The following AASS variants were observed in gnomAD, a reference collection of about 807,000 sequenced individuals.
AASS encodes alpha-aminoadipic semialdehyde synthase, mitochondrial.
Under a neutral mutation model 105.4 loss-of-function variants are expected in AASS, and 86 were observed. That is an observed-to-expected ratio of 0.82 (90% CI 0.69 to 0.98). The LOEUF is 0.98. AASS is among the 50% of genes least tolerant of loss of function. The probability of loss-of-function intolerance (pLI) is 0.00; values close to 1 mark genes in which losing one functional copy is unlikely to be tolerated. For missense variants in AASS, 1,048 were observed against 1,143.2 expected (o/e 0.92, Z 1.20); for synonymous variants, 381 against 394.8 (o/e 0.96, Z 0.41).
intron 6 of AASS, 114 bp downstream of exon 6, chr7:122,118,193 C>T (rs546046783): frequency 1.7e-6 from 2 of 1,187,058 alleles, no homozygotes; most frequent in African/African-American, 1.5e-5. Flanking sequence ...AAGAAAAGTG[C>T]CTAAAATAGA....
Position 122,076,574 on chromosome 7 carries a change from AAG to A in AASS, c.2694_2695del (p.Ser900LysfsTer12), listed in dbSNP as rs1793024902. The A allele has an allele frequency of 6.2e-7, 1 of 1,613,740 alleles. No individual in the cohort carries two copies. Among genetic ancestry groups the A allele is most frequent in the Non-Finnish European group, 8.5e-7 (1 of 1,179,794 alleles). ...TATTGGTCCATAGATCTCCTTTGAA[AAG>A]GGCCCCATTAGGCCTTTGGCTCCAA... On this transcript the variant is annotated frameshift_variant, in exon 24 of 24. Transcript: ENST00000417368. LOFTEE classifies it high-confidence loss of function.
intron 18 of AASS, among the ~76,000 whole-genome samples, chr7:122,089,279 A>G (rs1313808572): frequency 6.6e-6 from 1 of 152,158 alleles, no homozygotes; most frequent in African/African-American, 2.4e-5. Flanking sequence ...ACAGACAAAC[A>G]AAGTGTCTGA....
chr7:122,092,762 CTATAT>C (rs1163338236), intron 17 of AASS, 76 bp downstream of exon 17: 1 of 1,154,028 alleles, frequency 8.7e-7, no homozygotes, highest in African/African-American at 1.5e-5. Flanking sequence ...AAAGGTGTTG[CTATAT>C]TATAACTCAT....
At chr7:122,089,795 A>G (rs1793809015) in intron 18 of AASS, among the ~76,000 whole-genome samples, 1 of 152,132 alleles carries the variant, frequency 6.6e-6, no homozygotes, top group African/African-American at 2.4e-5. Context: ...TTTCTTTTAC[A>G]TGGTTGCACT....
rs369466086 is a variant in AASS, at chr7:122,086,031, C to T, written c.2165G>A (p.Arg722Gln). The T allele has an allele frequency of 2.0e-5, 32 of 1,613,374 alleles. No homozygotes were observed. Among genetic ancestry groups the T allele is most frequent in the African/African-American group, 2.7e-5 (2 of 74,836 alleles). ...YGISSAHTLL[R>Q]GTLRYKGYMK... The stretch of plus-strand genomic sequence containing the variant: ...GCTTACCTTATATCTCAGTGTCCCC[C>T]GCAACAAAGTGTGAGCAGAAGAAAT... The change falls in exon 19 of 24, where the codon CGG becomes CAG. Residue 722 changes from arginine to glutamine, a missense_variant. Arg to Gln is a conservative substitution (Grantham distance 43). Transcript: ENST00000417368.
intron 4 of AASS, among the ~76,000 whole-genome samples, chr7:122,123,167 AC>A (rs1052587799): frequency 2.0e-5 from 3 of 152,016 alleles, no homozygotes; most frequent in Non-Finnish European, 4.4e-5. Context: ...ACTTAGCAAG[AC>A]CCCTAAGCAT....
chr7:122,143,990 C>A (rs1314668746), intron 1 of AASS, among the ~76,000 whole-genome samples, 171 bp downstream of exon 1: 2 of 152,200 alleles, frequency 1.3e-5, no homozygotes, highest in African/African-American at 4.8e-5. Context: ...GCCGCCTTCT[C>A]CCTCTCTCGG....
intron 11 of AASS, among the ~76,000 whole-genome samples, chr7:122,110,299 C>A (rs1206153339): frequency 3.3e-5 from 5 of 150,830 alleles, no homozygotes; most frequent in African/African-American, 1.2e-4. Flanking sequence ...AAAGAGAAAT[C>A]ACTACAGAAT....
At chr7:122,108,359 G>A (rs1477016773) in intron 11 of AASS, among the ~76,000 whole-genome samples, 5 of 151,996 alleles carry the variant, frequency 3.3e-5, no homozygotes, top group Middle Eastern at 3.4e-3. Flanking sequence ...AATCAGACAA[G>A]GACGTAACAA....
intron 19 of AASS, among the ~76,000 whole-genome samples, chr7:122,084,963 C>T (rs1050836274): frequency 4.6e-5 from 7 of 152,162 alleles, no homozygotes; most frequent in Middle Eastern, 3.4e-3. Flanking sequence ...AGGGCCCTGT[C>T]GCCAAATTCA....
At chr7:122,093,393 C>T (rs1793998746) in intron 15 of AASS, among the ~76,000 whole-genome samples, 4 of 152,198 alleles carry the variant, frequency 2.6e-5, no homozygotes, top group Admixed American at 2.6e-4. Context: ...TTAGCAATCG[C>T]ATTACTGGTT....
intron 11 of AASS, among the ~76,000 whole-genome samples, chr7:122,112,089 A>T (rs1794969122): frequency 6.6e-6 from 1 of 151,978 alleles, no homozygotes; most frequent in Non-Finnish European, 1.5e-5. Context: ...CTCAGCACCA[A>T]CTCCAGACAC....
At chr7:122,083,280 A>C (rs1793465356) in intron 19 of AASS, among the ~76,000 whole-genome samples, 1 of 152,192 alleles carries the variant, frequency 6.6e-6, no homozygotes, top group South Asian at 2.1e-4. Context: ...ACAGAAAAGT[A>C]ATATCACTAG....
intron 1 of AASS, among the ~76,000 whole-genome samples, chr7:122,142,167 G>C (rs1796432698): frequency 6.6e-6 from 1 of 152,166 alleles, no homozygotes; most frequent in South Asian, 2.1e-4. Context: ...AACTTAACCT[G>C]TCTGTGCATC....
At chr7:122,114,078 G>C (rs1795058876) in intron 9 of AASS, among the ~76,000 whole-genome samples, 1 of 152,132 alleles carries the variant, frequency 6.6e-6, no homozygotes. Context: ...ACCCTGCTTA[G>C]TACTGTATAG....
chr7:122,124,439 C>T (rs1795567490), intron 4 of AASS, among the ~76,000 whole-genome samples: 2 of 152,040 alleles, frequency 1.3e-5, no homozygotes, highest in African/African-American at 4.8e-5. Flanking sequence ...CCCACCATCA[C>T]GCCCGGCTAA....
At chr7:122,083,054 G>GAA (rs67659717) in intron 19 of AASS, among the ~76,000 whole-genome samples, 7 of 150,924 alleles carry the variant, frequency 4.6e-5, no homozygotes, top group Admixed American at 6.6e-5. Flanking sequence ...GAGAGAGAGA[G>GAA]AAGAAAAGAG....
intron 18 of AASS, among the ~76,000 whole-genome samples, chr7:122,091,186 A>G (rs1367816789): frequency 1.3e-5 from 2 of 152,180 alleles, no homozygotes; most frequent in Non-Finnish European, 2.9e-5. Flanking sequence ...TTGTAAAATA[A>G]TGAAAATAAT....
intron 15 of AASS, among the ~76,000 whole-genome samples, chr7:122,093,475 C>G (rs1418599696): frequency 1.3e-5 from 2 of 152,138 alleles, no homozygotes; most frequent in East Asian, 3.9e-4. Flanking sequence ...CAGCACTATT[C>G]GCAATAACAA....
Sources: allele counts gnomAD v4.1 joint callset (sites outside exome capture counted in the v4.1 genomes callset), GRCh38; gene constraint gnomAD v4.1.1; transcripts MANE v1.5; gene names NCBI Gene and HGNC (gene_info 2026-07-23, HGNC 2026-07-21).